The following C8A variants were observed in gnomAD, a reference collection of about 807,000 sequenced individuals.
C8A encodes complement C8 alpha chain.
A neutral mutation model predicts 65.3 loss-of-function variants in C8A; 67 were observed. That is an observed-to-expected ratio of 1.03 (90% CI 0.84 to 1.26). The LOEUF is 1.26. Ranked by LOEUF, C8A falls within the 50% of genes most tolerant of loss-of-function variation. The pLI is 0.00. For missense variants in C8A, 781 were observed against 723.9 expected, an observed-to-expected ratio of 1.08 and a Z score of -0.90; for synonymous variants, 290 against 259.4, an observed-to-expected ratio of 1.12 and a Z score of -1.13.
chr1:56,908,210 G>T (rs1004859206), intron 9 of C8A, 97 bp downstream of exon 9: 1 of 1,370,008 alleles, frequency 7.3e-7, no homozygotes, highest in Admixed American at 1.8e-5. Context: ...GCCCATCAAA[G>T]AACAAGATTA....
intron 6 of C8A, 101 bp downstream of exon 6, chr1:56,883,782 A>G: frequency 9.6e-7 from 1 of 1,038,770 alleles, no homozygotes; most frequent in South Asian, 1.4e-5. Context: ...TTGAACCTTA[A>G]TTTGCTTGTG....
At chr1:56,873,973 G>A (rs541517517) in intron 2 of C8A, among the ~76,000 whole-genome samples, 1 of 152,276 alleles carries the variant, frequency 6.6e-6, no homozygotes, top group South Asian at 2.1e-4. Flanking sequence ...AAAGTCCCAA[G>A]ATTGGCGTGC....
intron 6 of C8A, among the ~76,000 whole-genome samples, chr1:56,884,863 C>T (rs1439831032): frequency 2.6e-5 from 4 of 152,122 alleles, no homozygotes; most frequent in Non-Finnish European, 5.9e-5. Context: ...AAGATTATGT[C>T]CTCTGCACCT....
intron 2 of C8A, among the ~76,000 whole-genome samples, chr1:56,867,985 T>C (rs1333664504): frequency 6.6e-6 from 1 of 152,134 alleles, no homozygotes; most frequent in Non-Finnish European, 1.5e-5. Context: ...CTCTGAGTCA[T>C]GGCAAATCTA....
At chr1:56,905,460 T>C (rs12116668) in intron 7 of C8A, among the ~76,000 whole-genome samples, 15,378 of 152,274 alleles carry the variant, frequency 0.1, 857 homozygotes, top group Middle Eastern at 0.13. Flanking sequence ...ATTTTTTTCA[T>C]TCATCAATCA....
At chr1:56,917,393 G>C (rs1490341698) in intron 10 of C8A, among the ~76,000 whole-genome samples, 172 bp from the exon 11 acceptor site, 1 of 152,226 alleles carries the variant, frequency 6.6e-6, no homozygotes, top group African/African-American at 2.4e-5. Context: ...AAGGAGCAAA[G>C]ACCCTATGTA....
chr1:56,900,821 G>A (rs538775032), intron 7 of C8A, among the ~76,000 whole-genome samples: 37 of 152,260 alleles, frequency 2.4e-4, no homozygotes, highest in African/African-American at 8.2e-4. Context: ...TTGCAAACCC[G>A]AGAGATGACT....
intron 4 of C8A, among the ~76,000 whole-genome samples, chr1:56,878,809 A>G (rs951481897): frequency 6.6e-6 from 1 of 152,264 alleles, no homozygotes; most frequent in South Asian, 2.1e-4. Context: ...ATACTTCCAG[A>G]TTATGTAAAA....
At chr1:56,901,606 C>T (rs1644426275) in intron 7 of C8A, among the ~76,000 whole-genome samples, 3 of 152,160 alleles carry the variant, frequency 2.0e-5, no homozygotes, top group East Asian at 1.9e-4. Flanking sequence ...CATCCCACTA[C>T]CTCTGTACTT....
intron 1 of C8A, among the ~76,000 whole-genome samples, chr1:56,860,069 A>C (rs1355705322): frequency 6.6e-6 from 1 of 152,204 alleles, no homozygotes; most frequent in Non-Finnish European, 1.5e-5. Context: ...TCTCAAAAGA[A>C]AAAATTTTTT....
chr1:56,886,351 A>G (rs901834331), intron 7 of C8A, among the ~76,000 whole-genome samples, 184 bp downstream of exon 7: 3 of 152,202 alleles, frequency 2.0e-5, no homozygotes, highest in East Asian at 3.8e-4. Flanking sequence ...AGACTTGCTA[A>G]TAAGTACCAC....
At chr1:56,863,359 T>C (rs1644052659) in intron 1 of C8A, among the ~76,000 whole-genome samples, 1 of 152,150 alleles carries the variant, frequency 6.6e-6, no homozygotes, top group African/African-American at 2.4e-5. Flanking sequence ...GTACTTTCTG[T>C]ACTCTGGCCT....
At chr1:56,885,395 A>C (rs188675891) in intron 6 of C8A, among the ~76,000 whole-genome samples, 28,844 of 110,120 alleles carry the variant, frequency 0.26, 5,421 homozygotes, top group African/African-American at 0.51. Flanking sequence ...TATATATTTA[A>C]ATAAATATAT....
At chr1:56,916,814 T>A (rs1430269647) in intron 10 of C8A, among the ~76,000 whole-genome samples, 1 of 152,212 alleles carries the variant, frequency 6.6e-6, no homozygotes, top group Non-Finnish European at 1.5e-5. Flanking sequence ...CCAGGCTAGG[T>A]AATTCTCTGA....
rs150538946 is a variant in C8A, at chr1:56,906,868, A to AT, written c.1222+84dup. On this transcript the variant is annotated intron_variant, in intron 8 of 10. Transcript: ENST00000361249. ...GGACACACACTGGGACATGGAAGCT[A>AT]TTTTTTTTCCCAGTTGATTGCATTT... The AT allele has an allele frequency of 3.1e-4, 495 of 1,575,090 alleles. 1 individual carries two copies. The highest frequency in any genetic ancestry group is 3.8e-4 in the Non-Finnish European group (441 of 1,145,676).
intron 9 of C8A, among the ~76,000 whole-genome samples, chr1:56,910,684 C>A (rs1644498094): frequency 6.6e-6 from 1 of 152,246 alleles, no homozygotes; most frequent in Non-Finnish European, 1.5e-5. Context: ...GCTGGGGACC[C>A]TACCAGTCCT....
chr1:56,875,757 A>T (rs1239460770), intron 3 of C8A, among the ~76,000 whole-genome samples: 1 of 152,084 alleles, frequency 6.6e-6, no homozygotes. Flanking sequence ...CATTTGGAAG[A>T]AGAGGAATGG....
chr1:56,888,042 T>C (rs1024259469), intron 7 of C8A, among the ~76,000 whole-genome samples: 2 of 152,158 alleles, frequency 1.3e-5, no homozygotes, highest in Non-Finnish European at 2.9e-5. Context: ...GATGACGGGT[T>C]GATGGATGCA....
At chr1:56,911,109 T>A (rs1012844863) in intron 9 of C8A, among the ~76,000 whole-genome samples, 1 of 143,340 alleles carries the variant, frequency 7.0e-6, no homozygotes, top group Non-Finnish European at 1.5e-5. Flanking sequence ...CTAACAAAAA[T>A]GGTGCTTTAT....
Sources: allele counts gnomAD v4.1 joint callset (sites outside exome capture counted in the v4.1 genomes callset), GRCh38; gene constraint gnomAD v4.1.1; transcripts MANE v1.5; gene names NCBI Gene and HGNC (gene_info 2026-07-23, HGNC 2026-07-21).